LOXL2: variants seen among roughly 807,000 people sequenced by gnomAD.
LOXL2 encodes lysyl oxidase like 2.
LOXL2 carries 70 observed loss-of-function variants against 93.0 expected under a neutral mutation model. That is an observed-to-expected ratio of 0.75 (90% CI 0.62 to 0.92). LOXL2 has a LOEUF of 0.92. Ranked by LOEUF, LOXL2 falls within the 40% of genes least tolerant of loss-of-function variation. The probability of loss-of-function intolerance (pLI) is 0.00; values close to 1 mark genes in which losing one functional copy is unlikely to be tolerated. For missense variants in LOXL2, 973 were observed against 1,054.9 expected, an observed-to-expected ratio of 0.92 and a Z score of 1.08; for synonymous variants, 438 against 413.2, an observed-to-expected ratio of 1.06 and a Z score of -0.73.
rs748792770 is a variant in LOXL2 at position 23,302,019 on chromosome 8, C to A, written c.2133+8G>T. On this transcript the variant is annotated splice_region_variant and intron_variant, in intron 12 of 13. Transcript: ENST00000389131. ...TGCAGGGCTGGAACCCCTTCCCACC[C>A]ACCTCACCTGGAACAGGTAGTCTCC... 5.0e-6 allele frequency: 8 copies of A among 1,613,918 alleles called. No homozygotes were observed. The Admixed American group carries it at 1.3e-4, about 27-fold the overall frequency.
rs1019129268 is a variant in LOXL2 at position 23,343,422 on chromosome 8, C to T, written c.532-2219G>A. Among the ~76,000 whole-genome samples the T allele has an allele frequency of 5.9e-5, 9 of 152,362 alleles. No individual in the cohort carries two copies. The East Asian group carries it at 9.7e-4, about 16-fold the overall frequency. On this transcript the variant is annotated intron_variant, in intron 3 of 13. Transcript: ENST00000389131. ...ACCCCGAGGTGCAGTGGAAGACACACACACTGTGGGCGGGCCAGGGACTGG... is the reference window on the plus strand; with the variant it reads ...ACCCCGAGGTGCAGTGGAAGACACATACACTGTGGGCGGGCCAGGGACTGG...
chr8:23,359,200 G>A (rs1228322532), intron 3 of LOXL2, among the ~76,000 whole-genome samples: 1 of 152,080 alleles, frequency 6.6e-6, no homozygotes. Context: ...ACATTGGCCA[G>A]TGGTAGCCAG....
At chr8:23,302,201 C>T in intron 11 of LOXL2, 38 bp from the exon 12 acceptor site, 3 of 1,609,336 alleles carry the variant, frequency 1.9e-6, no homozygotes, top group Non-Finnish European at 8.5e-7. Context: ...CACCAGGGAA[C>T]CATGGCCCCA....
chr8:23,369,758 C>T (rs1418088052), intron 1 of LOXL2, among the ~76,000 whole-genome samples: 1 of 152,098 alleles, frequency 6.6e-6, no homozygotes, highest in Non-Finnish European at 1.5e-5. Context: ...ACAAACAAGG[C>T]CAGAAAGTGA....
In LOXL2 at chr8:23,394,396, G is replaced by GAAT. The variant is rs1800061382; in HGVS notation, c.-84+9557_-84+9558insATT. Among the ~76,000 whole-genome samples, 3 of 64,354 alleles carry GAAT rather than the reference G, an allele frequency of 4.7e-5. No individual in the cohort carries two copies. The South Asian group carries it at 1.7e-3, about 36-fold the overall frequency. The allele number at this position is 64,354 out of a possible 152,430, so 42.2% of individuals were successfully genotyped here. A position where few individuals can be genotyped will look rare whatever the true frequency, so the allele number is the denominator to read the frequency against. On this transcript the variant is annotated intron_variant, in intron 1 of 13. Transcript: ENST00000389131. The stretch of plus-strand genomic sequence containing the variant: ...TGACAGAGTGAGACTCTGTCTCAGA[G>GAAT]AAAAAAAAAAAAAAAAAAAGACAAC...
chr8:23,317,475 C>A (rs944153355), intron 8 of LOXL2, among the ~76,000 whole-genome samples: 5 of 152,224 alleles, frequency 3.3e-5, no homozygotes, highest in South Asian at 2.1e-4. Context: ...ACAGCACTCT[C>A]TCCTCTAAGC....
At position 23,404,061 on chromosome 8, in the gene LOXL2, T is replaced by C; in HGVS notation, c.-191A>G. The C allele has an allele frequency of 4.8e-6, 1 of 209,488 alleles. No individual in the cohort carries two copies. Among genetic ancestry groups the C allele is most frequent in the Non-Finnish European group, 1.0e-5 (1 of 98,926 alleles). 13.0% of individuals were successfully genotyped at this position (209,488 alleles called of 1,614,324 possible). On this transcript the variant is annotated 5_prime_UTR_variant, in exon 1 of 14. Transcript: ENST00000389131. ...CTTTCTCGAGCAGAGGGGGCGGCTC[T>C]GGTCTCCGATGGCTGGAGAAAGCAA... is the stretch of plus-strand genomic sequence containing the variant.
intron 10 of LOXL2, among the ~76,000 whole-genome samples, chr8:23,307,683 C>T (rs189173601): frequency 5.3e-5 from 8 of 152,146 alleles, no homozygotes; most frequent in Non-Finnish European, 1.0e-4. Flanking sequence ...CAGCCCCCGC[C>T]GCCCAGGGCT....
rs1385700618 is a variant in LOXL2 at position 23,302,038 on chromosome 8, A to G, written c.2122T>C (p.Tyr708His). Residue 708 changes from tyrosine to histidine, a missense_variant, in exon 12 of 14, where the codon TAC (tyrosine) becomes CAC (histidine). Transcript: ENST00000389131. The part of the protein sequence containing the change: ...VDITDVPPGD[Y>H]LFQVVINPNF... ...CCCACCCACCTCACCTGGAACAGGT[A>G]GTCTCCAGGGGGCACGTCAGTGATG... 6.2e-7 allele frequency: 1 copy of G among 1,614,004 alleles called. No homozygotes were observed. Among genetic ancestry groups the G allele is most frequent in the South Asian group, 1.1e-5 (1 of 91,080 alleles).
In LOXL2 at chr8:23,307,955, A is replaced by G. The variant is rs1232765879; in HGVS notation, c.1880+1713T>C. On this transcript the variant is annotated intron_variant, in intron 10 of 13. Coordinates refer to ENST00000389131, the MANE Select transcript of LOXL2 (RefSeq NM_002318.3). Reference sequence around the variant, plus strand: ...GACTAGGTCATCAGCTGCGATATGAAAAAAAAAAAAAAAAAAAAGCCAAAG... The same window carrying G: ...GACTAGGTCATCAGCTGCGATATGAGAAAAAAAAAAAAAAAAAAGCCAAAG... Among the ~76,000 whole-genome samples, 78 of 148,078 alleles carry G rather than the reference A, an allele frequency of 5.3e-4. 7 individuals carry two copies. Among genetic ancestry groups the G allele is most frequent in the East Asian group, 7.8e-4 (4 of 5,140 alleles).
At chr8:23,302,271 C>T in intron 11 of LOXL2, 108 bp from the exon 12 acceptor site, 14 of 1,372,584 alleles carry the variant, frequency 1.0e-5, no homozygotes, top group Non-Finnish European at 1.4e-5. Context: ...GGCTCGGCAT[C>T]CCACCCCACT....
intron 9 of LOXL2, among the ~76,000 whole-genome samples, chr8:23,313,797 G>A (rs1803351647): frequency 6.6e-6 from 1 of 151,646 alleles, no homozygotes; most frequent in Non-Finnish European, 1.5e-5. Context: ...ATTGACAAAT[G>A]GGATCTAATT....
chr8:23,332,462 C>T (rs1210929740), intron 5 of LOXL2, among the ~76,000 whole-genome samples: 1 of 132,028 alleles, frequency 7.6e-6, no homozygotes, highest in African/African-American at 2.8e-5. Context: ...CACACCCACA[C>T]ACATACCCCC....
At chr8:23,378,372 A>AT (rs1804624768) in intron 1 of LOXL2, among the ~76,000 whole-genome samples, 1 of 151,896 alleles carries the variant, frequency 6.6e-6, no homozygotes, top group Admixed American at 6.6e-5. Context: ...TGTCCTTAAC[A>AT]TTTTTTCCTT....
intron 3 of LOXL2, among the ~76,000 whole-genome samples, chr8:23,348,191 G>A (rs1279098106): frequency 6.7e-6 from 1 of 149,210 alleles, no homozygotes; most frequent in Non-Finnish European, 1.5e-5. Flanking sequence ...TCACGCGTAG[G>A]TGGGAATTGA....
At chr8:23,401,213 G>T (rs114846063) in intron 1 of LOXL2, among the ~76,000 whole-genome samples, 3,130 of 152,282 alleles carry the variant, frequency 0.021, 104 homozygotes, top group African/African-American at 0.07. Flanking sequence ...GTGGGACCTT[G>T]TAAGAATCAA....
At chr8:23,394,552 C>T (rs1170734627) in intron 1 of LOXL2, among the ~76,000 whole-genome samples, 1 of 152,072 alleles carries the variant, frequency 6.6e-6, no homozygotes, top group Non-Finnish European at 1.5e-5. Flanking sequence ...CCATGAGATA[C>T]CACTTCATAC....
intron 3 of LOXL2, among the ~76,000 whole-genome samples, chr8:23,349,110 A>G (rs184752616): frequency 6.6e-6 from 1 of 152,194 alleles, no homozygotes; most frequent in Admixed American, 6.5e-5. Context: ...CCCTAGCCAG[A>G]CCTTCTTTGC....
chr8:23,341,420 AC>A (rs1005276717), intron 3 of LOXL2: 86 of 583,266 alleles, frequency 1.5e-4, no homozygotes, highest in Middle Eastern at 9.3e-4. Flanking sequence ...GGCTGAAAGG[AC>A]CCAACAGGGA....
Sources: gnomAD v4.1 joint callset for allele counts (sites outside exome capture counted in the v4.1 genomes callset) on GRCh38, gnomAD v4.1.1 for gene constraint, MANE v1.5 for transcripts, NCBI Gene and HGNC (gene_info 2026-07-23, HGNC 2026-07-21) for gene names.